Variants in LONP2 observed in about 807,000 individuals in gnomAD.
LONP2 encodes lon protease homolog 2, peroxisomal.
In LONP2, 60 loss-of-function variants were observed where a neutral mutation model predicts 85.6. The ratio of observed to expected loss-of-function variants is 0.70; its 90% confidence interval spans 0.57 to 0.87. The LOEUF is 0.87. Ranked by LOEUF, LONP2 falls within the 40% of genes least tolerant of loss-of-function variation. The probability of loss-of-function intolerance (pLI) is 0.00; values close to 1 mark genes in which losing one functional copy is unlikely to be tolerated. For missense variants in LONP2, 860 were observed against 1,063.5 expected (o/e 0.81, Z 2.66); for synonymous variants, 395 against 389.7 (o/e 1.01, Z -0.16).
In LONP2 at chr16:48,289,261, G is replaced by A. The variant is rs571830105; in HGVS notation, c.1384-6754G>A. ...CAGCCTCAGGAGGTCCTGACGACAC[G>A]TGCCCAAGGTGGTCAGAGCACAGCT... On this transcript the variant is annotated intron_variant, in intron 8 of 14. Coordinates refer to ENST00000285737, the MANE Select transcript of LONP2 (RefSeq NM_031490.5). Among the ~76,000 whole-genome samples, 3 of 152,262 alleles carry A rather than the reference G, an allele frequency of 2.0e-5. No individual in the cohort carries two copies. The South Asian group carries it at 6.2e-4, about 32-fold the overall frequency.
chr16:48,282,630 C>T (rs1351542030), intron 8 of LONP2, among the ~76,000 whole-genome samples: 1 of 152,074 alleles, frequency 6.6e-6, no homozygotes, highest in Non-Finnish European at 1.5e-5. Context: ...CCACAAACTG[C>T]ACCCATATAA....
At chr16:48,360,440 C>CA (rs1384158602), downstream of LONP2, 1 of 152,596 alleles carries the variant, frequency 6.6e-6, no homozygotes, top group Non-Finnish European at 1.5e-5. Flanking sequence ...TGACAACACA[C>CA]AGCTTTCTGC....
At chr16:48,305,859 A>G (rs557061719) in intron 11 of LONP2, among the ~76,000 whole-genome samples, 4 of 152,214 alleles carry the variant, frequency 2.6e-5, no homozygotes, top group African/African-American at 9.6e-5. Flanking sequence ...GGGTTTATAT[A>G]TTTTTTATTT....
At position 48,286,022 on chromosome 16, in the gene LONP2, A is replaced by G. The variant is rs187567329; in HGVS notation, c.1383+8543A>G. ...TGAGTGACTACTCTATATACCTCAT[A>G]TAAGTGCATCATACGGTACTTATCT... is the stretch of plus-strand genomic sequence containing the variant. On this transcript the variant is annotated intron_variant, in intron 8 of 14. Coordinates refer to ENST00000285737, the MANE Select transcript of LONP2 (RefSeq NM_031490.5). Among the ~76,000 whole-genome samples the G allele has an allele frequency of 1.6e-3, 246 of 152,222 alleles. 2 individuals carry two copies. The highest frequency in any genetic ancestry group is 2.7e-3 in the Non-Finnish European group (181 of 68,024).
At chr16:48,299,262 C>G (rs928496938) in intron 9 of LONP2, among the ~76,000 whole-genome samples, 3 of 152,004 alleles carry the variant, frequency 2.0e-5, no homozygotes, top group Admixed American at 6.6e-5. Flanking sequence ...AATCTAAGAT[C>G]CATTTAATCT....
At chr16:48,278,345 G>A (rs1972258724) in intron 8 of LONP2, among the ~76,000 whole-genome samples, 1 of 151,960 alleles carries the variant, frequency 6.6e-6, no homozygotes, top group African/African-American at 2.4e-5. Flanking sequence ...TCCTTCCTAG[G>A]TTCTCCCTTC....
chr16:48,309,822 G>T (rs1185156198), intron 11 of LONP2, among the ~76,000 whole-genome samples: 2 of 152,056 alleles, frequency 1.3e-5, no homozygotes, highest in Non-Finnish European at 2.9e-5. Flanking sequence ...TTTTGTGGTT[G>T]TTGGGTAGAA....
chr16:48,309,691 C>A (rs1312514657), intron 11 of LONP2, among the ~76,000 whole-genome samples: 1 of 151,860 alleles, frequency 6.6e-6, no homozygotes, highest in Admixed American at 6.6e-5. Flanking sequence ...AGTTTTATTC[C>A]ATTGTGTGAA....
chr16:48,269,928 A>C, intron 6 of LONP2, 88 bp from the exon 7 acceptor site: 1 of 1,369,950 alleles, frequency 7.3e-7, no homozygotes, highest in Non-Finnish European at 9.9e-7. Flanking sequence ...TTTTCAAAAA[A>C]AATATTTTGC....
chr16:48,269,019 C>T (rs186726552), intron 6 of LONP2, among the ~76,000 whole-genome samples: 4 of 152,294 alleles, frequency 2.6e-5, no homozygotes, highest in Admixed American at 2.0e-4. Context: ...GGCAGCCACC[C>T]AGCTAGTGAA....
intron 8 of LONP2, among the ~76,000 whole-genome samples, chr16:48,283,874 C>A (rs2150986554): frequency 6.6e-6 from 1 of 152,200 alleles, no homozygotes; most frequent in Admixed American, 6.5e-5. Flanking sequence ...GGGCGAAGTA[C>A]ATTGAAAACC....
chr16:48,269,173 G>A (rs1235266832), intron 6 of LONP2, among the ~76,000 whole-genome samples: 1 of 149,968 alleles, frequency 6.7e-6, no homozygotes, highest in African/African-American at 2.4e-5. Context: ...TTTCTGTGTG[G>A]CAATTAGGCA....
In LONP2 at chr16:48,270,040, G is replaced by A. The variant is rs753618002; in HGVS notation, c.1007G>A (p.Arg336Gln). 3.7e-6 allele frequency: 6 copies of A among 1,613,664 alleles called. No individual in the cohort carries two copies. The highest frequency in any genetic ancestry group is 1.3e-5 in the African/African-American group (1 of 74,866). Residue 336 changes from arginine (R) to glutamine (Q), a missense_variant, in exon 7 of 15, where the codon CGG becomes CAG. Arg to Gln is a conservative substitution (Grantham distance 43, BLOSUM62 1). Around this residue, in one of 3 missense-constraint regions of LONP2, gnomAD observed 743 missense variants for 917.3 expected, o/e 0.81. Coordinates refer to ENST00000285737, the MANE Select transcript of LONP2 (RefSeq NM_031490.5). Reference protein sequence around the residue: ...TTDRLDIRAARILLDNDHYAM... With the variant: ...TTDRLDIRAAQILLDNDHYAM... ...GACCGCCTGGACATTAGGGCAGCCCGGATTCTTCTGGATAATGACCATTAC... is the reference window on the plus strand; with the variant it reads ...GACCGCCTGGACATTAGGGCAGCCCAGATTCTTCTGGATAATGACCATTAC...
intron 2 of LONP2, 130 bp downstream of exon 2, chr16:48,252,495 A>T: frequency 1.9e-6 from 1 of 526,962 alleles, no homozygotes; most frequent in East Asian, 3.1e-5. Flanking sequence ...AACATTATAT[A>T]TTAATTCTGA....
downstream of LONP2, chr16:48,361,332 T>A (rs1395082331): frequency 7.4e-6 from 3 of 406,518 alleles, no homozygotes; most frequent in Non-Finnish European, 1.3e-5. Context: ...CCTTTCTTAA[T>A]ACAAAAGATG....
intron 11 of LONP2, among the ~76,000 whole-genome samples, chr16:48,333,890 TG>T (rs1445771432): frequency 6.6e-6 from 1 of 152,250 alleles, no homozygotes; most frequent in African/African-American, 2.4e-5. Flanking sequence ...TGCCGGGAAT[TG>T]TTCTTGACTT....
intron 1 of LONP2, among the ~76,000 whole-genome samples, chr16:48,250,332 A>T (rs1022165830): frequency 1.3e-5 from 2 of 151,280 alleles, no homozygotes; most frequent in African/African-American, 4.9e-5. Context: ...AATACAAAAA[A>T]TTAGCTGGGC....
chr16:48,276,439 G>C (rs1972210358), intron 7 of LONP2, among the ~76,000 whole-genome samples: 1 of 152,192 alleles, frequency 6.6e-6, no homozygotes, highest in East Asian at 1.9e-4. Flanking sequence ...TGCCTTTTCA[G>C]AGACAGCATT....
chr16:48,359,665 G>A (rs564102756), downstream of LONP2, among the ~76,000 whole-genome samples: 6 of 151,834 alleles, frequency 4.0e-5, no homozygotes, highest in African/African-American at 9.7e-5. Context: ...GCAGTGAGCC[G>A]AGATCACGCC....
Sources: gnomAD v4.1 joint callset for allele counts (sites outside exome capture counted in the v4.1 genomes callset) on GRCh38, gnomAD v4.1.1 for gene constraint, gnomAD v4.1.1 regional missense constraint, MANE v1.5 for transcripts, NCBI Gene and HGNC (gene_info 2026-07-23, HGNC 2026-07-21) for gene names.